CNTN4: variants seen among roughly 807,000 people sequenced by gnomAD.
The protein encoded by CNTN4 is contactin-4.
A neutral mutation model predicts 122.5 loss-of-function variants in CNTN4; 77 were observed. The observed-to-expected ratio is 0.63, with a 90% CI of 0.52 to 0.76. The LOEUF is 0.76. Ranked by LOEUF, CNTN4 falls within the 30% of genes least tolerant of loss-of-function variation. CNTN4 has a pLI of 0.00. For synonymous variants in CNTN4, 512 were observed against 447.0 expected (o/e 1.15, Z -1.83); for missense variants, 1,256 against 1,259.1 (o/e 1.00, Z 0.04).
Position 2,268,088 on chromosome 3 carries a change from A to G in CNTN4, c.-144-71090A>G, listed in dbSNP as rs567469736. Among the ~76,000 whole-genome samples, 4 of 152,258 alleles carry G rather than the reference A, an allele frequency of 2.6e-5. No homozygotes were observed. The South Asian group carries it at 8.3e-4, about 32-fold the overall frequency. ...TGACCTGAAGATGTTTTACTAACAT[A>G]TGTTAAGCATTTACTATCTGCTCAA... On this transcript the variant is annotated intron_variant, in intron 2 of 24. Transcript: ENST00000418658.
chr3:2,330,364 T>C (rs1273473028), intron 2 of CNTN4, among the ~76,000 whole-genome samples: 2 of 152,052 alleles, frequency 1.3e-5, no homozygotes, highest in East Asian at 1.9e-4. Flanking sequence ...AGAGGCATGA[T>C]TGATTAAACC....
Position 2,709,452 on chromosome 3 carries a change from C to G in CNTN4, c.56-26763C>G, listed in dbSNP as rs2086974953. On this transcript the variant is annotated intron_variant, in intron 4 of 24. Transcript: ENST00000418658. The surrounding 1 kb of genome is among the most constrained non-coding windows in gnomAD (Gnocchi z 5.0). ...AGTTCCCTCAGGTGATCATCGTGTG[C>G]AATGGGGGATGGGAACTACTGAAAC... Among the ~76,000 whole-genome samples, 1 of 152,000 alleles carries G rather than the reference C, an allele frequency of 6.6e-6. No individual in the cohort carries two copies. Among genetic ancestry groups the G allele is most frequent in the South Asian group, 2.1e-4 (1 of 4,814 alleles).
At chr3:2,129,022 A>C (rs1207508456) in intron 2 of CNTN4, among the ~76,000 whole-genome samples, 1 of 152,160 alleles carries the variant, frequency 6.6e-6, no homozygotes, top group African/African-American at 2.4e-5. Flanking sequence ...CTACAGACTA[A>C]CATTTTCTAT....
At chr3:2,177,670 G>A (rs2036816627) in intron 2 of CNTN4, among the ~76,000 whole-genome samples, 1 of 151,466 alleles carries the variant, frequency 6.6e-6, no homozygotes, top group Non-Finnish European at 1.5e-5. Flanking sequence ...GTGTGTGTGT[G>A]TGTGTGTGTG....
At chr3:3,017,664 T>C (rs1697887590) in intron 14 of CNTN4, among the ~76,000 whole-genome samples, 1 of 152,202 alleles carries the variant, frequency 6.6e-6, no homozygotes, top group Non-Finnish European at 1.5e-5. Flanking sequence ...ATGTCCTTTA[T>C]TTTGCTATGC....
At chr3:2,883,523 C>G (rs1284217751) in intron 9 of CNTN4, among the ~76,000 whole-genome samples, 1 of 152,152 alleles carries the variant, frequency 6.6e-6, no homozygotes, top group East Asian at 1.9e-4. Context: ...TTATCATGAC[C>G]TGTAATGTGC....
chr3:2,576,515 TTTC>T (rs1455189814), intron 4 of CNTN4, among the ~76,000 whole-genome samples: 1 of 151,804 alleles, frequency 6.6e-6, no homozygotes, highest in African/African-American at 2.4e-5. Flanking sequence ...GCCTCTCCCA[TTTC>T]TTATTTTATT....
At chr3:2,658,808 C>CT (rs566905385) in intron 4 of CNTN4, among the ~76,000 whole-genome samples, 97 of 152,064 alleles carry the variant, frequency 6.4e-4, no homozygotes, top group African/African-American at 2.2e-3. Flanking sequence ...AGTTTCAAGC[C>CT]TTTTTTTATA....
chr3:2,544,541 T>G (rs2078162524), intron 3 of CNTN4, among the ~76,000 whole-genome samples: 1 of 152,118 alleles, frequency 6.6e-6, no homozygotes, highest in South Asian at 2.1e-4. Context: ...CTCAAGAAAC[T>G]TATAATTGGG....
chr3:2,917,166 C>T (rs867960635), intron 12 of CNTN4, among the ~76,000 whole-genome samples: 11 of 149,594 alleles, frequency 7.4e-5, no homozygotes, highest in South Asian at 2.1e-4. Flanking sequence ...TCAGGCGTGG[C>T]GGCGCGCGCC....
intron 2 of CNTN4, among the ~76,000 whole-genome samples, chr3:2,249,601 A>G (rs2149672499): frequency 6.6e-6 from 1 of 152,048 alleles, no homozygotes; most frequent in Middle Eastern, 3.4e-3. Flanking sequence ...ACAAAGAGAG[A>G]AGAGTAGTTG....
chr3:2,191,888 C>G (rs936292247), intron 2 of CNTN4, among the ~76,000 whole-genome samples: 9 of 151,880 alleles, frequency 5.9e-5, no homozygotes, highest in Admixed American at 2.0e-4. Context: ...CCTCCCCCCA[C>G]TCCACAACAG....
In CNTN4 at chr3:2,604,048, T is replaced by C. The variant is rs7644766; in HGVS notation, c.55+32490T>C. Among the ~76,000 whole-genome samples the C allele has an allele frequency of 6.3e-3, 962 of 152,304 alleles. 15 individuals carry two copies. The highest frequency in any genetic ancestry group is 0.022 in the African/African-American group (909 of 41,586). ...GTGGAAAGGGAAATGTGGCAAATCA[T>C]ACAGGCTCTTAACATTTCTACTTGG... On this transcript the variant is annotated intron_variant, in intron 4 of 24. Transcript: ENST00000418658.
chr3:2,644,577 A>G (rs2083036985), intron 4 of CNTN4, among the ~76,000 whole-genome samples: 1 of 151,524 alleles, frequency 6.6e-6, no homozygotes, highest in Admixed American at 6.6e-5. Context: ...TTTTTCTGCA[A>G]AATACCTCTA....
chr3:2,331,517 C>T (rs1575393366), intron 2 of CNTN4, among the ~76,000 whole-genome samples: 1 of 152,120 alleles, frequency 6.6e-6, no homozygotes, highest in Non-Finnish European at 1.5e-5. Flanking sequence ...CAACAAATTA[C>T]CTTTAGATGT....
At chr3:2,138,090 G>T (rs912375434) in intron 2 of CNTN4, among the ~76,000 whole-genome samples, 5 of 147,288 alleles carry the variant, frequency 3.4e-5, no homozygotes, top group Admixed American at 6.8e-5. Flanking sequence ...TTTTCGAGAC[G>T]GAGTCTCGCT....
At chr3:2,739,608 G>T (rs2089337109) in intron 5 of CNTN4, among the ~76,000 whole-genome samples, 2 of 95,470 alleles carry the variant, frequency 2.1e-5, no homozygotes, top group Non-Finnish European at 4.6e-5. Context: ...AGTAACAGAG[G>T]AAGCAAAACT....
At chr3:2,299,706 C>T (rs1387716091) in intron 2 of CNTN4, among the ~76,000 whole-genome samples, 1 of 152,036 alleles carries the variant, frequency 6.6e-6, no homozygotes, top group East Asian at 1.9e-4. Flanking sequence ...CAGAATATTT[C>T]ATGAAATTTG....
chr3:2,975,486 T>A (rs1693334795), intron 13 of CNTN4, among the ~76,000 whole-genome samples: 1 of 152,192 alleles, frequency 6.6e-6, no homozygotes, highest in Admixed American at 6.5e-5. Context: ...TTGTGCAGAT[T>A]AAATGAGATA....
Sources: allele counts gnomAD v4.1 joint callset (sites outside exome capture counted in the v4.1 genomes callset), GRCh38; gene constraint gnomAD v4.1.1; non-coding constraint Gnocchi (gnomAD v3.1); transcripts MANE v1.5; gene names NCBI Gene and HGNC (gene_info 2026-07-23, HGNC 2026-07-21).